Variants in PGCKA1 observed in about 807,000 individuals in gnomAD.
The protein encoded by PGCKA1 is PDCD10 and GCKIII kinases associated 1.
chr4:37,533,523 G>T, the PGCKA1 span, among the ~76,000 whole-genome samples: 3 of 152,152 alleles, frequency 2.0e-5, no homozygotes, highest in African/African-American at 4.8e-5. Context: ...AGGTGGGGCT[G>T]CTCTGTTGAG....
At chr4:37,588,980 C>A in the PGCKA1 span, 2 of 1,030,846 alleles carry the variant, frequency 1.9e-6, no homozygotes, top group Non-Finnish European at 1.5e-6. Flanking sequence ...TGCGTGTATT[C>A]AGTGCATTTA....
the PGCKA1 span, among the ~76,000 whole-genome samples, chr4:37,562,991 A>G: frequency 2.6e-5 from 4 of 152,220 alleles, no homozygotes; most frequent in Non-Finnish European, 5.9e-5. Flanking sequence ...TTCCAAGTGC[A>G]AAACCTATTT....
the PGCKA1 span, among the ~76,000 whole-genome samples, chr4:37,573,192 A>T: frequency 6.6e-6 from 1 of 152,246 alleles, no homozygotes; most frequent in Non-Finnish European, 1.5e-5. Context: ...TCATTACAAA[A>T]GTAATGTGTT....
chr4:37,512,815 G>A, the PGCKA1 span, among the ~76,000 whole-genome samples: 1 of 152,048 alleles, frequency 6.6e-6, no homozygotes. Flanking sequence ...CCTGCTGGAC[G>A]AGGTGGCTCA....
At chr4:37,573,500 G>T in the PGCKA1 span, among the ~76,000 whole-genome samples, 1 of 152,110 alleles carries the variant, frequency 6.6e-6, no homozygotes, top group African/African-American at 2.4e-5. Context: ...GATAACCACT[G>T]TTAACCCTTC....
At chr4:37,551,242 C>T in the PGCKA1 span, among the ~76,000 whole-genome samples, 3 of 152,028 alleles carry the variant, frequency 2.0e-5, no homozygotes, top group African/African-American at 7.3e-5. Flanking sequence ...TTTTACTGCC[C>T]GTAAAAGCAG....
At chr4:37,553,024 T>TGTGCACAACGTAGA in the PGCKA1 span, among the ~76,000 whole-genome samples, 1 of 151,390 alleles carries the variant, frequency 6.6e-6, no homozygotes, top group African/African-American at 2.4e-5. Context: ...TACCTATCTC[T>TGTGCACAACGTAGA]CATGGCCTCA....
the PGCKA1 span, among the ~76,000 whole-genome samples, chr4:37,465,299 G>A: frequency 2.0e-5 from 3 of 151,748 alleles, no homozygotes; most frequent in Non-Finnish European, 4.4e-5. Flanking sequence ...AAGCATCTGC[G>A]GAGGTCAAGC....
the PGCKA1 span, among the ~76,000 whole-genome samples, chr4:37,505,840 A>T: frequency 6.6e-6 from 1 of 152,178 alleles, no homozygotes; most frequent in African/African-American, 2.4e-5. Flanking sequence ...TATTTTTTGG[A>T]ATAGTTTGAG....
chr4:37,518,623 A>AT, the PGCKA1 span, among the ~76,000 whole-genome samples: 1 of 151,934 alleles, frequency 6.6e-6, no homozygotes, highest in African/African-American at 2.4e-5. Flanking sequence ...AGATTATTAG[A>AT]TTTTTTCCTA....
At chr4:37,522,884 C>A in the PGCKA1 span, among the ~76,000 whole-genome samples, 1 of 151,966 alleles carries the variant, frequency 6.6e-6, no homozygotes, top group Non-Finnish European at 1.5e-5. Context: ...CAACCCTTCT[C>A]TCTCCTCTCC....
chr4:37,492,403 T>G, the PGCKA1 span, among the ~76,000 whole-genome samples: 57 of 152,204 alleles, frequency 3.7e-4, 3 homozygotes, highest in Non-Finnish European at 1.5e-5. The surrounding 1 kb of genome is among the most constrained non-coding windows in gnomAD (Gnocchi z 4.7). Context: ...GCCTCACTGA[T>G]GGTGATTCTC....
the PGCKA1 span, among the ~76,000 whole-genome samples, chr4:37,589,666 C>G: frequency 6.6e-6 from 1 of 152,188 alleles, no homozygotes; most frequent in Non-Finnish European, 1.5e-5. Context: ...CTGTCTCGCT[C>G]TGTCATCCAG....
chr4:37,579,667 T>C, the PGCKA1 span, among the ~76,000 whole-genome samples: 2 of 152,320 alleles, frequency 1.3e-5, no homozygotes, highest in African/African-American at 2.4e-5. Context: ...TCATTGTATG[T>C]TATTTGTTTC....
the PGCKA1 span, among the ~76,000 whole-genome samples, chr4:37,504,075 T>G: frequency 1.3e-5 from 2 of 152,208 alleles, no homozygotes; most frequent in African/African-American, 4.8e-5. Flanking sequence ...TTTCACAGTT[T>G]GAGGTCTTAG....
At chr4:37,565,968 G>C in the PGCKA1 span, among the ~76,000 whole-genome samples, 2 of 152,118 alleles carry the variant, frequency 1.3e-5, no homozygotes, top group African/African-American at 2.4e-5. Context: ...TCCTTCTCCC[G>C]TGCTGGACAC....
At chr4:37,549,133 A>C in the PGCKA1 span, among the ~76,000 whole-genome samples, 1 of 152,306 alleles carries the variant, frequency 6.6e-6, no homozygotes, top group African/African-American at 2.4e-5. Context: ...CACAGGGAGG[A>C]AACTTAGCAT....
At chr4:37,460,516 T>C in the PGCKA1 span, 2 of 450,888 alleles carry the variant, frequency 4.4e-6, no homozygotes. Context: ...CTTGACTTTT[T>C]AATAATCACC....
At chr4:37,512,700 C>T in the PGCKA1 span, among the ~76,000 whole-genome samples, 9 of 151,982 alleles carry the variant, frequency 5.9e-5, no homozygotes, top group African/African-American at 1.9e-4. Flanking sequence ...ATGATCCACC[C>T]GCCTCGGCCT....
Sources: allele counts gnomAD v4.1 joint callset (sites outside exome capture counted in the v4.1 genomes callset), GRCh38; gene constraint gnomAD v4.1.1; non-coding constraint Gnocchi (gnomAD v3.1); transcripts MANE v1.5; gene names NCBI Gene and HGNC (gene_info 2026-07-23, HGNC 2026-07-21).